The following EEIG1 variants were observed in gnomAD, a reference collection of about 807,000 sequenced individuals.
EEIG1 encodes the protein estrogen-induced osteoclastogenesis regulator 1.
chr9:127,971,722 A>G, the EEIG1 span, among the ~76,000 whole-genome samples: 4 of 152,190 alleles, frequency 2.6e-5, no homozygotes, highest in African/African-American at 7.2e-5. Flanking sequence ...CGAAGGGCCC[A>G]CAGTCTGCGG....
chr9:127,967,620 G>A, the EEIG1 span, among the ~76,000 whole-genome samples: 6 of 152,200 alleles, frequency 3.9e-5, no homozygotes, highest in Non-Finnish European at 7.3e-5. Flanking sequence ...ACAGAGCTTC[G>A]GGGCTGGCTC....
the EEIG1 span, chr9:127,953,705 G>T: frequency 6.2e-7 from 1 of 1,607,566 alleles, no homozygotes; most frequent in Non-Finnish European, 8.5e-7. Flanking sequence ...GGAGGGCAAC[G>T]GGCAGAGCAA....
At chr9:127,950,363 G>A in the EEIG1 span, 1 of 1,543,660 alleles carries the variant, frequency 6.5e-7, no homozygotes, top group Non-Finnish European at 8.9e-7. Flanking sequence ...ATTCTGATGA[G>A]CAGCCTGGTT....
chr9:127,949,600 C>T, the EEIG1 span, among the ~76,000 whole-genome samples: 1 of 152,206 alleles, frequency 6.6e-6, no homozygotes, highest in Non-Finnish European at 1.5e-5. Context: ...GCTCCCAAGA[C>T]AATCAGCCTG....
At chr9:127,969,419 C>T in the EEIG1 span, among the ~76,000 whole-genome samples, 10 of 152,312 alleles carry the variant, frequency 6.6e-5, no homozygotes, top group Non-Finnish European at 1.2e-4. Flanking sequence ...CCCCTAGGGC[C>T]CTTACAATAA....
the EEIG1 span, chr9:127,963,879 C>T: frequency 6.6e-6 from 1 of 152,452 alleles, no homozygotes; most frequent in South Asian, 2.1e-4. Context: ...CAGTCACCGC[C>T]AGTCTCCCAG....
the EEIG1 span, among the ~76,000 whole-genome samples, chr9:127,955,243 A>G: frequency 6.6e-6 from 1 of 152,174 alleles, no homozygotes; most frequent in African/African-American, 2.4e-5. Flanking sequence ...GCCTCCCCTG[A>G]GCATCGCCAG....
chr9:127,948,253 G>A, the EEIG1 span: 1 of 1,613,376 alleles, frequency 6.2e-7, no homozygotes, highest in South Asian at 1.1e-5. Flanking sequence ...GTGTGACTAG[G>A]GTGCCCTGCT....
the EEIG1 span, among the ~76,000 whole-genome samples, chr9:127,958,161 G>C: frequency 6.6e-6 from 1 of 152,194 alleles, no homozygotes; most frequent in Admixed American, 6.5e-5. Flanking sequence ...CGTGTGTGAG[G>C]GGGGTGGTGC....
At chr9:127,970,902 C>T in the EEIG1 span, among the ~76,000 whole-genome samples, 2 of 152,232 alleles carry the variant, frequency 1.3e-5, no homozygotes, top group Non-Finnish European at 2.9e-5. Flanking sequence ...GGGCCTGTGG[C>T]CATAGCACTG....
At chr9:127,963,347 TG>T in the EEIG1 span, among the ~76,000 whole-genome samples, 6 of 152,214 alleles carry the variant, frequency 3.9e-5, no homozygotes, top group Non-Finnish European at 8.8e-5. Context: ...GCCGCCCGCC[TG>T]GGAAGAGACA....
chr9:127,967,358 T>C, the EEIG1 span, among the ~76,000 whole-genome samples: 6 of 152,194 alleles, frequency 3.9e-5, no homozygotes, highest in Non-Finnish European at 8.8e-5. Flanking sequence ...AGATGGGTGC[T>C]GTCAGCCCAT....
chr9:127,980,577 A>AGGGCGGC, the EEIG1 span: 1 of 150,182 alleles, frequency 6.7e-6, no homozygotes, highest in East Asian at 2.0e-4. Context: ...CTGAGGGCGG[A>AGGGCGGC]GGGCGGCCCC....
the EEIG1 span, among the ~76,000 whole-genome samples, chr9:127,959,612 A>ATGAG: frequency 6.6e-6 from 1 of 152,166 alleles, no homozygotes; most frequent in Non-Finnish European, 1.5e-5. Flanking sequence ...TGCTGTTAAC[A>ATGAG]TGAGTGAGTG....
chr9:127,980,833 C>G, the EEIG1 span, among the ~76,000 whole-genome samples: 1 of 149,464 alleles, frequency 6.7e-6, no homozygotes, highest in African/African-American at 2.4e-5. Context: ...CCTCCTCGAT[C>G]CTGGGACCCG....
the EEIG1 span, chr9:127,941,868 A>C: frequency 6.6e-6 from 1 of 152,288 alleles, no homozygotes; most frequent in Non-Finnish European, 1.5e-5. Flanking sequence ...AGAAAAAATG[A>C]AAAAAGCTAC....
At chr9:127,957,786 T>C in the EEIG1 span, among the ~76,000 whole-genome samples, 5 of 152,354 alleles carry the variant, frequency 3.3e-5, no homozygotes, top group South Asian at 6.2e-4. Flanking sequence ...TTATCCAGTT[T>C]ACAAAGGTTT....
chr9:127,975,809 T>C, the EEIG1 span, among the ~76,000 whole-genome samples: 1 of 152,062 alleles, frequency 6.6e-6, no homozygotes, highest in African/African-American at 2.4e-5. Flanking sequence ...TTTGAGATTC[T>C]TCCTGCCCAA....
the EEIG1 span, chr9:127,945,785 G>C: frequency 7.0e-7 from 1 of 1,419,842 alleles, no homozygotes; most frequent in Non-Finnish European, 9.7e-7. This position sits in a 1 kb window ranked among gnomAD's most constrained non-coding sequence, Gnocchi z 6.5. Flanking sequence ...GGGGTGAGGT[G>C]ACAGGGGTCA....
Sources: gnomAD v4.1 joint callset for allele counts (sites outside exome capture counted in the v4.1 genomes callset) on GRCh38, gnomAD v4.1.1 for gene constraint, Gnocchi (gnomAD v3.1) non-coding constraint, MANE v1.5 for transcripts, NCBI Gene and HGNC (gene_info 2026-07-23, HGNC 2026-07-21) for gene names.